Variants in TVP23B observed in about 807,000 individuals in gnomAD.
The protein encoded by TVP23B is Golgi apparatus membrane protein TVP23 homolog B.
A neutral mutation model predicts 30.6 loss-of-function variants in TVP23B; 10 were observed. The ratio of observed to expected loss-of-function variants is 0.33; its 90% confidence interval spans 0.20 to 0.55. The LOEUF is 0.55. TVP23B is among the 20% of genes least tolerant of loss of function. The probability of loss-of-function intolerance (pLI) is 0.91; values close to 1 mark genes in which losing one functional copy is unlikely to be tolerated. For synonymous variants in TVP23B, 67 were observed against 83.1 expected (o/e 0.81, Z 1.06); for missense variants, 153 against 243.2 (o/e 0.63, Z 2.47).
At chr17:18,802,840 A>T (rs536691893) in intron 5 of TVP23B, among the ~76,000 whole-genome samples, 1 of 152,312 alleles carries the variant, frequency 6.6e-6, no homozygotes, top group Non-Finnish European at 1.5e-5. Flanking sequence ...ATGTTGATAT[A>T]TACATACCCA....
intron 3 of TVP23B, among the ~76,000 whole-genome samples, chr17:18,792,178 CAT>C (rs1166662198): frequency 6.6e-6 from 1 of 151,844 alleles, no homozygotes; most frequent in Non-Finnish European, 1.5e-5. Flanking sequence ...GGATTACAGG[CAT>C]GCACCACCAC....
At chr17:18,792,509 A>G (rs2151847021) in intron 3 of TVP23B, among the ~76,000 whole-genome samples, 1 of 152,308 alleles carries the variant, frequency 6.6e-6, no homozygotes, top group East Asian at 1.9e-4. Context: ...TTATGCTCCA[A>G]AGTATTTAGT....
At chr17:18,802,622 T>C (rs1323711624) in intron 5 of TVP23B, among the ~76,000 whole-genome samples, 2 of 152,162 alleles carry the variant, frequency 1.3e-5, no homozygotes, top group Admixed American at 6.6e-5. Context: ...CCAGCCCTTT[T>C]TTATGTTTGT....
At chr17:18,797,516 A>G in intron 3 of TVP23B, 63 bp from the exon 4 acceptor site, 1 of 1,611,834 alleles carries the variant, frequency 6.2e-7, no homozygotes, top group African/African-American at 1.3e-5. Context: ...CTAAGATAGG[A>G]GCTTGTGATA....
At chr17:18,784,076 C>G (rs542733510) in intron 1 of TVP23B, among the ~76,000 whole-genome samples, 37 of 152,042 alleles carry the variant, frequency 2.4e-4, no homozygotes, top group African/African-American at 8.2e-4. Flanking sequence ...ACCTGGGAGG[C>G]GGAGCTTGCA....
At chr17:18,791,204 T>C (rs1167916112) in intron 3 of TVP23B, among the ~76,000 whole-genome samples, 164 bp downstream of exon 3, 1 of 146,744 alleles carries the variant, frequency 6.8e-6, no homozygotes, top group African/African-American at 2.5e-5. Flanking sequence ...TTTTTTTTTT[T>C]TTTTTTTTCA....
chr17:18,783,092 G>T (rs8070325), intron 1 of TVP23B, among the ~76,000 whole-genome samples: 52,895 of 73,208 alleles, frequency 0.72, 20,880 homozygotes, highest in East Asian at 0.87. Flanking sequence ...TTTATTTATT[G>T]ATTGATTGAT....
chr17:18,786,019 G>T (rs7210211), intron 1 of TVP23B, among the ~76,000 whole-genome samples: 67,141 of 149,384 alleles, frequency 0.45, 13,816 homozygotes, highest in Non-Finnish European at 0.48. Flanking sequence ...CTTGCCTGAT[G>T]CAGCTTCTAA....
chr17:18,785,403 T>A (rs1202406210), intron 1 of TVP23B, among the ~76,000 whole-genome samples: 10 of 150,412 alleles, frequency 6.6e-5, no homozygotes, highest in Non-Finnish European at 5.9e-5. Context: ...TTTTTTTTTT[T>A]AAATCTGTAC....
In TVP23B at chr17:18,799,809, CTTAA is replaced by C. The variant is rs1289915316; in HGVS notation, c.462+870_462+873del. 6.6e-5 allele frequency among the ~76,000 whole-genome samples: 10 copies of C among 151,980 alleles called. No homozygotes were observed. The East Asian group carries it at 1.9e-3, about 29-fold the overall frequency. On this transcript the variant is annotated intron_variant, in intron 5 of 6. Coordinates refer to ENST00000307767, the MANE Select transcript of TVP23B (RefSeq NM_016078.6). ...TTATTGATATCAGATATATTTTGGCCTTAATTATGTTTTTCCTCCTAATTTGTAG... is the reference window on the plus strand; with the variant it reads ...TTATTGATATCAGATATATTTTGGCCTTATGTTTTTCCTCCTAATTTGTAG...
At chr17:18,805,173 C>G (rs2036229682) in intron 6 of TVP23B, among the ~76,000 whole-genome samples, 1 of 150,620 alleles carries the variant, frequency 6.6e-6, no homozygotes, top group African/African-American at 2.4e-5. Context: ...ACTGCAAGCT[C>G]CGCCTCCCGG....
intron 3 of TVP23B, among the ~76,000 whole-genome samples, chr17:18,791,264 T>C (rs1325313825): frequency 7.2e-6 from 1 of 138,832 alleles, no homozygotes; most frequent in African/African-American, 2.7e-5. Context: ...ACTGTGCTGC[T>C]GATTTTTCTG....
intron 3 of TVP23B, among the ~76,000 whole-genome samples, chr17:18,793,612 AT>A (rs1342816731): frequency 5.3e-5 from 8 of 150,698 alleles, no homozygotes; most frequent in Non-Finnish European, 1.0e-4. Context: ...AAAAAAAAAA[AT>A]AATGGCAACT....
At chr17:18,803,926 G>C (rs1314642218) in intron 5 of TVP23B, among the ~76,000 whole-genome samples, 1 of 151,848 alleles carries the variant, frequency 6.6e-6, no homozygotes, top group Non-Finnish European at 1.5e-5. Flanking sequence ...GTAAATATTT[G>C]CTGGGTGAAT....
At chr17:18,791,187 GT>G (rs762889436) in intron 3 of TVP23B, 147 bp downstream of exon 3, 5,536 of 111,456 alleles carry the variant, frequency 0.05, 3 homozygotes, top group Middle Eastern at 0.085. Flanking sequence ...ATTGCATGTA[GT>G]TTTTTTTTTT....
chr17:18,806,289 T>C lies in TVP23B; in HGVS notation c.*722T>C, dbSNP rs986773951. The stretch of plus-strand genomic sequence containing the variant: ...GATAGCTAGATTGAAAGCTCTTCAG[T>C]GGACCTTGAGCTAATAGATCTTTTA... On this transcript the variant is annotated 3_prime_UTR_variant, in exon 7 of 7. Transcript: ENST00000307767. 8.3e-6 allele frequency: 8 copies of C among 966,656 alleles called. No individual in the cohort carries two copies. The African/African-American group carries it at 1.4e-4, about 17-fold the overall frequency. The allele number at this position is 966,656 out of a possible 1,614,324, so 59.9% of individuals were successfully genotyped here. A position where few individuals can be genotyped will look rare whatever the true frequency, so the allele number is the denominator to read the frequency against.
chr17:18,790,493 G>C (rs887323668), intron 2 of TVP23B, among the ~76,000 whole-genome samples: 20 of 149,142 alleles, frequency 1.3e-4, no homozygotes, highest in Non-Finnish European at 2.7e-4. Context: ...AAGAAAGAAA[G>C]AAACAAACTA....
chr17:18,786,312 G>A (rs968826243), intron 1 of TVP23B, among the ~76,000 whole-genome samples: 1 of 151,008 alleles, frequency 6.6e-6, no homozygotes, highest in Non-Finnish European at 1.5e-5. Flanking sequence ...TTTGGGAGGG[G>A]TGAGGAGGTA....
chr17:18,781,342 C>T (rs1267814123), intron 1 of TVP23B, 37 bp downstream of exon 1: 16 of 1,567,764 alleles, frequency 1.0e-5, no homozygotes, highest in East Asian at 2.3e-5. Context: ...GGTGGCGGCT[C>T]CTGGGACTGG....
Sources: allele counts gnomAD v4.1 joint callset (sites outside exome capture counted in the v4.1 genomes callset), GRCh38; gene constraint gnomAD v4.1.1; transcripts MANE v1.5; gene names NCBI Gene and HGNC (gene_info 2026-07-23, HGNC 2026-07-21).